Variants in FYB2 observed in about 807,000 individuals in gnomAD.
The protein encoded by FYB2 is FYN-binding protein 2.
In FYB2, 103 loss-of-function variants were observed where a neutral mutation model predicts 94.1. The observed-to-expected ratio is 1.09, with a 90% CI of 0.93 to 1.29. FYB2 has a LOEUF of 1.29. FYB2 is among the 50% of genes most tolerant of loss of function. The probability of loss-of-function intolerance (pLI) is 0.00; values close to 1 mark genes in which losing one functional copy is unlikely to be tolerated. For synonymous variants in FYB2, 293 were observed against 287.9 expected (o/e 1.02, Z -0.18); for missense variants, 896 against 841.5 (o/e 1.06, Z -0.80).
intron 4 of FYB2, among the ~76,000 whole-genome samples, chr1:56,784,907 C>T (rs764231670): frequency 7.2e-5 from 11 of 152,188 alleles, no homozygotes; most frequent in Non-Finnish European, 1.5e-4. Flanking sequence ...TAATTCGTAC[C>T]TATTATGCAG....
chr1:56,743,208 T>C (rs1644994724), intron 11 of FYB2, among the ~76,000 whole-genome samples: 1 of 152,102 alleles, frequency 6.6e-6, no homozygotes, highest in African/African-American at 2.4e-5. Flanking sequence ...TACCTCCCCA[T>C]TACTTTTTCA....
intron 4 of FYB2, among the ~76,000 whole-genome samples, chr1:56,786,655 C>T (rs1646138777): frequency 6.6e-6 from 1 of 152,164 alleles, no homozygotes; most frequent in Non-Finnish European, 1.5e-5. Flanking sequence ...GCAGCAGCAA[C>T]TGTGCAGCCC....
chr1:56,760,523 A>T (rs554018835), intron 5 of FYB2, among the ~76,000 whole-genome samples: 1 of 152,286 alleles, frequency 6.6e-6, no homozygotes, highest in East Asian at 1.9e-4. Context: ...CTTTAAAAAT[A>T]CCTGTTTGTG....
intron 1 of FYB2, among the ~76,000 whole-genome samples, chr1:56,803,704 G>A (rs952697657): frequency 3.3e-5 from 5 of 152,070 alleles, no homozygotes; most frequent in Admixed American, 3.3e-4. Context: ...GTCCCAAACC[G>A]CCACCACACA....
chr1:56,740,837 G>T, intron 12 of FYB2, 42 bp from the exon 13 acceptor site: 2 of 1,311,224 alleles, frequency 1.5e-6, no homozygotes, highest in South Asian at 1.3e-5. Context: ...GCATTTAAGA[G>T]AGTACTAGAG....
intron 5 of FYB2, among the ~76,000 whole-genome samples, chr1:56,762,543 AG>A (rs1645522635): frequency 6.6e-6 from 1 of 152,216 alleles, no homozygotes; most frequent in South Asian, 2.1e-4. Context: ...CCTGATATAC[AG>A]AAATATAATT....
At chr1:56,728,258 T>C (rs962404490) in intron 15 of FYB2, among the ~76,000 whole-genome samples, 1 of 152,140 alleles carries the variant, frequency 6.6e-6, no homozygotes, top group Admixed American at 6.6e-5. Context: ...GTCAAAACGT[T>C]ACCTGTCTTT....
intron 1 of FYB2, among the ~76,000 whole-genome samples, chr1:56,811,143 G>A (rs1260446897): frequency 6.6e-6 from 1 of 152,132 alleles, no homozygotes; most frequent in African/African-American, 2.4e-5. Flanking sequence ...TAGAATCAGA[G>A]AGGTCAAATA....
At chr1:56,770,080 A>G (rs1300901380) in intron 4 of FYB2, among the ~76,000 whole-genome samples, 2 of 152,180 alleles carry the variant, frequency 1.3e-5, no homozygotes, top group African/African-American at 2.4e-5. Flanking sequence ...CACAAATTAG[A>G]GATAAGAAAG....
intron 15 of FYB2, among the ~76,000 whole-genome samples, chr1:56,733,667 T>C (rs972623588): frequency 6.6e-5 from 10 of 152,282 alleles, no homozygotes; most frequent in African/African-American, 2.4e-4. Context: ...AACATCTTTA[T>C]TTACCCAGTA....
intron 1 of FYB2, among the ~76,000 whole-genome samples, chr1:56,803,410 T>G (rs1026581874): frequency 1.3e-5 from 2 of 152,202 alleles, no homozygotes; most frequent in African/African-American, 2.4e-5. Flanking sequence ...CCTCACATTT[T>G]CTTAAGAAGG....
At chr1:56,777,239 C>CAAA (rs1453236717) in intron 4 of FYB2, among the ~76,000 whole-genome samples, 5 of 4,800 alleles carry the variant, frequency 1.0e-3, no homozygotes, top group African/African-American at 5.4e-3. Flanking sequence ...GTCTCAAAAA[C>CAAA]AAAAAAAAAA....
intron 9 of FYB2, among the ~76,000 whole-genome samples, chr1:56,747,150 A>G (rs1272333095): frequency 6.6e-6 from 1 of 151,956 alleles, no homozygotes; most frequent in African/African-American, 2.4e-5. Flanking sequence ...TATTCCAAAT[A>G]TGAGTCATTT....
chr1:56,797,470 C>G (rs1646426390), intron 1 of FYB2, among the ~76,000 whole-genome samples: 1 of 152,090 alleles, frequency 6.6e-6, no homozygotes, highest in Non-Finnish European at 1.5e-5. Context: ...TTCTTGTGAG[C>G]CTTCCCCTGG....
chr1:56,757,336 C>G (rs1236226390), intron 6 of FYB2, among the ~76,000 whole-genome samples: 1 of 151,950 alleles, frequency 6.6e-6, no homozygotes, highest in Non-Finnish European at 1.5e-5. Context: ...AATGAATAAT[C>G]CTTACCAGCA....
intron 1 of FYB2, among the ~76,000 whole-genome samples, chr1:56,804,774 G>T (rs1329179231): frequency 6.6e-6 from 1 of 151,894 alleles, no homozygotes; most frequent in African/African-American, 2.4e-5. Flanking sequence ...TAAAGTGCAG[G>T]TTCAATCACG....
rs201364255 is a variant in FYB2 at position 56,767,901 on chromosome 1, C to T, written c.991G>A (p.Glu331Lys). The change falls in exon 5 of 20, where the codon GAG (glutamate) becomes AAG (lysine). Residue 331 changes from glutamate (E) to lysine (K), a missense_variant. Glu to Lys is a moderately conservative substitution (Grantham distance 56, BLOSUM62 1). Transcript: ENST00000343433. Reference protein sequence around the residue: ...NAEFEEPHNYEATISYLRHSG... With the variant: ...NAEFEEPHNYKATISYLRHSG... ...TGTCTCAGATATGAAATTGTTGCCTCGTAATTATGTGGTTCTTCAAATTCT... is the reference window on the plus strand; with the variant it reads ...TGTCTCAGATATGAAATTGTTGCCTTGTAATTATGTGGTTCTTCAAATTCT... The T allele has an allele frequency of 2.4e-5, 39 of 1,611,372 alleles. 1 individual carries two copies. Among genetic ancestry groups the T allele is most frequent in the Middle Eastern group, 1.7e-4 (1 of 6,052 alleles).
rs572795310 is a variant in FYB2, at chr1:56,786,201, T to C, written c.953+974A>G. Among the ~76,000 whole-genome samples the C allele has an allele frequency of 9.2e-5, 14 of 152,326 alleles. No individual in the cohort carries two copies. The South Asian group carries it at 2.9e-3, about 32-fold the overall frequency. ...GTTGCCTAGATAGCCTGCAGTCTAC[T>C]GCAAACATATGAGCAAACCCAGCTG... is the stretch of plus-strand genomic sequence containing the variant. On this transcript the variant is annotated intron_variant, in intron 4 of 19. Coordinates refer to ENST00000343433, the MANE Select transcript of FYB2 (RefSeq NM_001004303.5).
chr1:56,807,135 C>T (rs113699168), intron 1 of FYB2, among the ~76,000 whole-genome samples: 96 of 152,310 alleles, frequency 6.3e-4, no homozygotes, highest in African/African-American at 2.2e-3. Context: ...GTTTCCTGCT[C>T]TCCCTGCTGC....
Sources: allele counts gnomAD v4.1 joint callset (sites outside exome capture counted in the v4.1 genomes callset), GRCh38; gene constraint gnomAD v4.1.1; transcripts MANE v1.5; gene names NCBI Gene and HGNC (gene_info 2026-07-23, HGNC 2026-07-21).